The following LEF1 variants were observed in gnomAD, a reference collection of about 807,000 sequenced individuals.
LEF1 encodes the protein lymphoid enhancer-binding factor 1.
In LEF1, 14 loss-of-function variants were observed where a neutral mutation model predicts 51.2. The observed-to-expected ratio is 0.27, with a 90% CI of 0.18 to 0.43. The LOEUF is 0.43. Among genes scored for constraint, LEF1 ranks in the 20% least tolerant of loss-of-function variants. The pLI is 1.00. For missense variants in LEF1, 386 were observed against 512.0 expected (o/e 0.75, Z 2.37); for synonymous variants, 185 against 183.2 (o/e 1.01, Z -0.08).
intron 3 of LEF1, among the ~76,000 whole-genome samples, chr4:108,128,787 T>C (rs752211144): frequency 2.6e-5 from 4 of 151,928 alleles, no homozygotes; most frequent in Admixed American, 6.6e-5. Context: ...CTAGAAAAAA[T>C]TGTAAATCAT....
chr4:108,166,589 C>T (rs1745410079), intron 1 of LEF1: 7 of 1,133,400 alleles, frequency 6.2e-6, no homozygotes, highest in East Asian at 5.6e-5. Context: ...AACAGCCCTC[C>T]AGCGCGGCCC....
rs189141801 is a variant in LEF1, at chr4:108,053,475, G to A, written c.*7-4724C>T. On this transcript the variant is annotated intron_variant, in intron 11 of 11. Coordinates refer to ENST00000265165, the MANE Select transcript of LEF1 (RefSeq NM_016269.5). ...CCAGAAGCTGGAGGTGGGAGGAAAG[G>A]GGTCATTGCCACTCCTGGATTCATG... Among the ~76,000 whole-genome samples the A allele has an allele frequency of 1.3e-3, 205 of 152,262 alleles. 1 individual carries two copies. The highest frequency in any genetic ancestry group is 4.9e-3 in the African/African-American group (202 of 41,558).
chr4:108,077,433 C>T (rs1367763178), intron 8 of LEF1, among the ~76,000 whole-genome samples: 2 of 143,394 alleles, frequency 1.4e-5, no homozygotes, highest in Non-Finnish European at 3.1e-5. Context: ...AAGTGAGGGG[C>T]ACCTCTGCCC....
chr4:108,109,764 C>G (rs1741404949), intron 3 of LEF1, among the ~76,000 whole-genome samples: 1 of 152,050 alleles, frequency 6.6e-6, no homozygotes, highest in South Asian at 2.1e-4. Flanking sequence ...AAACTATGGC[C>G]TCTTACTGTA....
At chr4:108,116,135 T>A (rs1741827685) in intron 3 of LEF1, among the ~76,000 whole-genome samples, 1 of 152,146 alleles carries the variant, frequency 6.6e-6, no homozygotes, top group African/African-American at 2.4e-5. Context: ...TCAAGGTAGC[T>A]GTGTGGGAGT....
At chr4:108,126,661 G>T (rs145529073) in intron 3 of LEF1, among the ~76,000 whole-genome samples, 1 of 151,650 alleles carries the variant, frequency 6.6e-6, no homozygotes, top group Non-Finnish European at 1.5e-5. Flanking sequence ...AAAATTAGCC[G>T]GGCATGATGG....
intron 3 of LEF1, among the ~76,000 whole-genome samples, chr4:108,153,294 G>GC (rs1744468976): frequency 6.6e-6 from 1 of 152,204 alleles, no homozygotes; most frequent in Non-Finnish European, 1.5e-5. Context: ...TGCAAAAGAG[G>GC]CATGTGGCTT....
intron 3 of LEF1, among the ~76,000 whole-genome samples, chr4:108,122,163 G>C (rs898154759): frequency 6.6e-6 from 1 of 152,056 alleles, no homozygotes; most frequent in Admixed American, 6.6e-5. Context: ...GTGGTAGGGG[G>C]CTCCTGCTGA....
rs115279081 is a variant in LEF1 at position 108,052,989 on chromosome 4, G to T, written c.*7-4238C>A. 7.2e-3 allele frequency among the ~76,000 whole-genome samples: 1,093 copies of T among 152,270 alleles called. 10 individuals are homozygous for T. Among genetic ancestry groups the T allele is most frequent in the Non-Finnish European group, 0.013 (907 of 68,010 alleles). ...TTGCCAAAGGTCACCCAACTAATAG[G>T]CAGCAGGATGAGCCTCTGAACTCTC... On this transcript the variant is annotated intron_variant, in intron 11 of 11. Coordinates refer to ENST00000265165, the MANE Select transcript of LEF1 (RefSeq NM_016269.5).
intron 3 of LEF1, among the ~76,000 whole-genome samples, chr4:108,099,698 C>T: frequency 6.8e-6 from 1 of 147,634 alleles, no homozygotes; most frequent in Non-Finnish European, 1.5e-5. Context: ...TGGTGGTTTG[C>T]CGCACCCATC....
intron 3 of LEF1, among the ~76,000 whole-genome samples, chr4:108,112,418 T>G (rs533952869): frequency 7.0e-4 from 106 of 152,346 alleles, no homozygotes; most frequent in Non-Finnish European, 7.5e-4. Flanking sequence ...CATTCAGGAC[T>G]GTGTGATGGC....
chr4:108,098,128 A>G (rs981654735), intron 3 of LEF1, among the ~76,000 whole-genome samples: 2 of 152,120 alleles, frequency 1.3e-5, no homozygotes, highest in Admixed American at 6.5e-5. Context: ...GTCTGGGGAC[A>G]TGTTGGTTGA....
intron 3 of LEF1, among the ~76,000 whole-genome samples, chr4:108,140,064 A>T (rs966733111): frequency 1.3e-5 from 2 of 152,090 alleles, no homozygotes; most frequent in Non-Finnish European, 2.9e-5. Flanking sequence ...TAAACATAAA[A>T]ATACACACAC....
chr4:108,101,062 T>C (rs1362833628), intron 3 of LEF1, among the ~76,000 whole-genome samples: 1 of 152,192 alleles, frequency 6.6e-6, no homozygotes, highest in Admixed American at 6.5e-5. Flanking sequence ...CTAGACAGCA[T>C]TGGGTTTGAG....
rs1740635457 is a variant in LEF1 at position 108,099,568 on chromosome 4, G to GTA, written c.415-10312_415-10311insTA. 2.7e-4 allele frequency among the ~76,000 whole-genome samples: 13 copies of GTA among 48,152 alleles called. 1 individual carries two copies. The highest frequency in any genetic ancestry group is 5.8e-4 in the African/African-American group (8 of 13,844). The allele number at this position is 48,152 out of a possible 152,430, so 31.6% of individuals were successfully genotyped here. ...TGTGTGTGTGTGTATGTGTGTGTGTGTGTATATATATATATATATATATAT... is the reference window on the plus strand; with the variant it reads ...TGTGTGTGTGTGTATGTGTGTGTGTGTATGTATATATATATATATATATATAT... On this transcript the variant is annotated intron_variant, in intron 3 of 11. Transcript: ENST00000265165.
rs75566902 is a variant in LEF1, at chr4:108,062,926, T to C, written c.*6+697A>G. Among the ~76,000 whole-genome samples, 208 of 152,214 alleles carry C rather than the reference T, an allele frequency of 1.4e-3. 2 individuals carry two copies. The highest frequency in any genetic ancestry group is 4.8e-3 in the African/African-American group (199 of 41,532). ...TTTAAAGCTTAATAAAGACCAAGCCTTAATTTACAATGTCAGGTTCCTTGG... is the reference window on the plus strand; with the variant it reads ...TTTAAAGCTTAATAAAGACCAAGCCCTAATTTACAATGTCAGGTTCCTTGG... On this transcript the variant is annotated intron_variant, in intron 11 of 11. Coordinates refer to ENST00000265165, the MANE Select transcript of LEF1 (RefSeq NM_016269.5).
chr4:108,138,493 G>C (rs1298989124), intron 3 of LEF1, among the ~76,000 whole-genome samples: 1 of 128,046 alleles, frequency 7.8e-6, no homozygotes, highest in East Asian at 2.0e-4. Context: ...GTACAGGTGT[G>C]TATGTGTGTG....
intron 3 of LEF1, among the ~76,000 whole-genome samples, chr4:108,093,921 C>G (rs1017136774): frequency 2.0e-5 from 3 of 152,206 alleles, no homozygotes; most frequent in Non-Finnish European, 1.5e-5. Flanking sequence ...TTACTGTGTG[C>G]TAAGCACTTT....
In LEF1 at chr4:108,077,141, C is replaced by T. The variant is rs538469944; in HGVS notation, c.1008+1079G>A. 2.0e-5 allele frequency among the ~76,000 whole-genome samples: 3 copies of T among 152,072 alleles called. No individual in the cohort carries two copies. The East Asian group carries it at 5.8e-4, about 29-fold the overall frequency. On this transcript the variant is annotated intron_variant, in intron 8 of 11. Coordinates refer to ENST00000265165, the MANE Select transcript of LEF1 (RefSeq NM_016269.5). ...TTTGCTTGAGCCCAGGAGTTTGAGACCAGCCTGGGCAGCATAGCAATACCA... is the reference window on the plus strand; with the variant it reads ...TTTGCTTGAGCCCAGGAGTTTGAGATCAGCCTGGGCAGCATAGCAATACCA...
Sources: allele counts gnomAD v4.1 joint callset (sites outside exome capture counted in the v4.1 genomes callset), GRCh38; gene constraint gnomAD v4.1.1; transcripts MANE v1.5; gene names NCBI Gene and HGNC (gene_info 2026-07-23, HGNC 2026-07-21).